Variants in COL4A2 observed in about 807,000 individuals in gnomAD.
The protein encoded by COL4A2 is collagen type IV alpha 2 chain.
Under a neutral mutation model 200.2 loss-of-function variants are expected in COL4A2, and 99 were observed. That is an observed-to-expected ratio of 0.49 (90% confidence interval 0.42 to 0.58). The LOEUF is 0.58. Among genes scored for constraint, COL4A2 ranks in the 20% least tolerant of loss-of-function variants. The pLI is 0.00. For synonymous variants in COL4A2, 897 were observed against 900.6 expected (o/e 1.00, Z 0.07); for missense variants, 1,950 against 2,314.1 (o/e 0.84, Z 3.23).
intron 22 of COL4A2, among the ~76,000 whole-genome samples, chr13:110,461,673 A>G (rs1026456458): frequency 2.0e-5 from 3 of 152,022 alleles, no homozygotes; most frequent in Admixed American, 2.0e-4. Context: ...GGCGTGCACC[A>G]CCACACTCCA....
chr13:110,360,579 A>G (rs1240926971), intron 4 of COL4A2, among the ~76,000 whole-genome samples: 1 of 152,212 alleles, frequency 6.6e-6, no homozygotes, highest in Non-Finnish European at 1.5e-5. Context: ...TCCCTAGTGA[A>G]GGAAACACCT....
Position 110,489,391 on chromosome 13 carries a change from A to G in COL4A2, c.3208-54A>G, listed in dbSNP as rs1036639130. ...AGTTAAATAAGTGAGCTAACTTCAG[A>G]GTTACAACTGACTTCGCTAACAGCC... is the stretch of plus-strand genomic sequence containing the variant. On this transcript the variant is annotated intron_variant, in intron 34 of 47. Coordinates refer to ENST00000360467, the MANE Select transcript of COL4A2 (RefSeq NM_001846.4). 1.0e-5 allele frequency: 16 copies of G among 1,530,474 alleles called. No homozygotes were observed. In the Admixed American group the frequency reaches 2.2e-4, roughly 21 times the overall value. The allele number at this position is 1,530,474 out of a possible 1,614,324, so 94.8% of individuals were successfully genotyped here.
intron 38 of COL4A2, 69 bp downstream of exon 38, chr13:110,492,246 C>T (rs1024291281): frequency 7.3e-7 from 1 of 1,377,064 alleles, no homozygotes; most frequent in Non-Finnish European, 1.0e-6. Context: ...CACCGCTGAG[C>T]AGGCCAGCCT....
chr13:110,491,193 C>A, intron 36 of COL4A2, 40 bp from the exon 37 acceptor site: 1 of 1,428,104 alleles, frequency 7.0e-7, no homozygotes, highest in Non-Finnish European at 9.7e-7. Flanking sequence ...CACAGGGGCG[C>A]GGTGTCTGTT....
chr13:110,336,188 G>A (rs1395534832), intron 3 of COL4A2, among the ~76,000 whole-genome samples: 1 of 152,110 alleles, frequency 6.6e-6, no homozygotes. Flanking sequence ...ATTGAGAGTA[G>A]GCCATTTCCT....
intron 3 of COL4A2, among the ~76,000 whole-genome samples, chr13:110,320,465 G>A (rs1462151032): frequency 6.6e-6 from 1 of 152,218 alleles, no homozygotes; most frequent in Non-Finnish European, 1.5e-5. Flanking sequence ...AAGGAAGTCA[G>A]ATTAGTCATG....
In COL4A2 at chr13:110,364,993, C is replaced by T. The variant is rs139386632; in HGVS notation, c.180+7441C>T. On this transcript the variant is annotated intron_variant, in intron 4 of 47. Transcript: ENST00000360467. ...CTGTTTACTTCTGTATTCCTGGGGC[C>T]TATGCAGGGCCTGACACATGGTGGA... Among the ~76,000 whole-genome samples, 497 of 152,302 alleles carry T rather than the reference C, an allele frequency of 3.3e-3. 8 individuals carry two copies. The highest frequency in any genetic ancestry group is 6.8e-3 in the Middle Eastern group (2 of 294).
chr13:110,393,984 T>C (rs941424517), intron 4 of COL4A2, among the ~76,000 whole-genome samples: 1 of 152,096 alleles, frequency 6.6e-6, no homozygotes, highest in Non-Finnish European at 1.5e-5. Context: ...CAGAATGAGG[T>C]GTTGGCCATA....
rs1883490135 is a variant in COL4A2, at chr13:110,497,277, G to A, written c.3760+1810G>A. The stretch of plus-strand genomic sequence containing the variant: ...CACCAGCACAGCCTCACTCAGGGGT[G>A]AGGATCTAGGTCAATCCACCAGCAC... On this transcript the variant is annotated intron_variant, in intron 40 of 47. Coordinates refer to ENST00000360467, the MANE Select transcript of COL4A2 (RefSeq NM_001846.4). 2.0e-5 allele frequency among the ~76,000 whole-genome samples: 3 copies of A among 151,050 alleles called. No individual in the cohort carries two copies. In the South Asian group the frequency reaches 6.3e-4, roughly 32 times the overall value.
At chr13:110,413,732 A>C (rs1164390525) in intron 4 of COL4A2, among the ~76,000 whole-genome samples, 1 of 152,212 alleles carries the variant, frequency 6.6e-6, no homozygotes, top group Non-Finnish European at 1.5e-5. Flanking sequence ...CAAGGCAGAC[A>C]GGTCTCTCAG....
intron 12 of COL4A2, among the ~76,000 whole-genome samples, chr13:110,435,835 T>C (rs775481903): frequency 6.6e-6 from 1 of 152,192 alleles, no homozygotes; most frequent in African/African-American, 2.4e-5. Flanking sequence ...TTTTATTATA[T>C]AAAAACATCT....
At chr13:110,504,063 C>CTT in intron 44 of COL4A2, 70 bp downstream of exon 44, 10 of 1,562,762 alleles carry the variant, frequency 6.4e-6, no homozygotes, top group Non-Finnish European at 7.9e-6. Context: ...GCTGGCATTG[C>CTT]GTCCTCTTGT....
chr13:110,341,658 G>C (rs952369403), intron 3 of COL4A2, among the ~76,000 whole-genome samples: 18 of 152,216 alleles, frequency 1.2e-4, no homozygotes, highest in Admixed American at 5.9e-4. Context: ...GGGGATACCG[G>C]CTTTAAAGAC....
At chr13:110,370,816 T>C (rs909484300) in intron 4 of COL4A2, among the ~76,000 whole-genome samples, 3 of 152,244 alleles carry the variant, frequency 2.0e-5, no homozygotes, top group African/African-American at 7.2e-5. Flanking sequence ...AAGATGGCTA[T>C]TGACCAAAGA....
chr13:110,468,708 A>T (rs1254004322), intron 27 of COL4A2, among the ~76,000 whole-genome samples: 1 of 152,240 alleles, frequency 6.6e-6, no homozygotes. Flanking sequence ...AAAGTGTGGC[A>T]GATGGGTTTT....
chr13:110,369,135 C>T lies in COL4A2; in HGVS notation c.180+11583C>T, dbSNP rs770496180. ...TTGAGGCAGGAGAATCACTTGAACTCGGGAGTTGGAGGTTGCAGTGAGCCG... is the reference window on the plus strand; with the variant it reads ...TTGAGGCAGGAGAATCACTTGAACTTGGGAGTTGGAGGTTGCAGTGAGCCG... On this transcript the variant is annotated intron_variant, in intron 4 of 47. Coordinates refer to ENST00000360467, the MANE Select transcript of COL4A2 (RefSeq NM_001846.4). Among the ~76,000 whole-genome samples, 91 of 151,506 alleles carry T rather than the reference C, an allele frequency of 6.0e-4. 1 individual carries two copies. Among genetic ancestry groups the T allele is most frequent in the Admixed American group, 1.1e-3 (16 of 15,220 alleles).
intron 4 of COL4A2, among the ~76,000 whole-genome samples, chr13:110,396,031 A>C (rs1879169820): frequency 6.6e-6 from 1 of 152,244 alleles, no homozygotes; most frequent in African/African-American, 2.4e-5. Flanking sequence ...AAAAGGTTTT[A>C]GTGAAAATGA....
intron 39 of COL4A2, among the ~76,000 whole-genome samples, chr13:110,494,839 T>A (rs986260466): frequency 6.6e-6 from 1 of 152,250 alleles, no homozygotes; most frequent in African/African-American, 2.4e-5. Context: ...TATGTGTGTA[T>A]ATTACACGTA....
chr13:110,500,416 C>T (rs1883602032), intron 40 of COL4A2, among the ~76,000 whole-genome samples: 1 of 152,172 alleles, frequency 6.6e-6, no homozygotes, highest in Admixed American at 6.5e-5. Context: ...TTAATCCGCC[C>T]ACTCAAGTCC....
Sources: gnomAD v4.1 joint callset for allele counts (sites outside exome capture counted in the v4.1 genomes callset) on GRCh38, gnomAD v4.1.1 for gene constraint, MANE v1.5 for transcripts, NCBI Gene and HGNC (gene_info 2026-07-23, HGNC 2026-07-21) for gene names.